PLCL1: variants seen among roughly 807,000 people sequenced by gnomAD.
PLCL1 encodes inactive phospholipase C-like protein 1.
Under a neutral mutation model 84.4 loss-of-function variants are expected in PLCL1, and 41 were observed. The ratio of observed to expected loss-of-function variants is 0.49; its 90% confidence interval spans 0.38 to 0.63. The LOEUF (loss-of-function observed/expected upper bound fraction) is 0.63, where lower values mean the gene tolerates loss of function less well. Ranked by LOEUF, PLCL1 falls within the 30% of genes least tolerant of loss-of-function variation. PLCL1 has a pLI of 0.00. For missense variants in PLCL1, 1,206 were observed against 1,367.8 expected (o/e 0.88, Z 1.87); for synonymous variants, 490 against 488.3 (o/e 1.00, Z -0.05).
intron 3 of PLCL1, among the ~76,000 whole-genome samples, chr2:198,093,152 A>G (rs1379786479): frequency 1.3e-5 from 2 of 152,208 alleles, no homozygotes; most frequent in East Asian, 1.9e-4. Flanking sequence ...GGAGGGATGA[A>G]CTGGTGGAGC....
chr2:198,145,345 C>A (rs893183154), intron 5 of PLCL1, among the ~76,000 whole-genome samples: 1 of 152,168 alleles, frequency 6.6e-6, no homozygotes, highest in Non-Finnish European at 1.5e-5. Context: ...TCTTTAGGCT[C>A]TAATCTCTAG....
At chr2:197,923,296 G>A (rs1249662943) in intron 1 of PLCL1, among the ~76,000 whole-genome samples, 8 of 145,146 alleles carry the variant, frequency 5.5e-5, no homozygotes, top group Middle Eastern at 3.6e-3. Context: ...TGGCTGCCGG[G>A]CGGAGACGCT....
At chr2:197,957,672 C>T (rs1356860329) in intron 1 of PLCL1, among the ~76,000 whole-genome samples, 2 of 152,034 alleles carry the variant, frequency 1.3e-5, no homozygotes, top group Non-Finnish European at 2.9e-5. Flanking sequence ...CTATTGGCCT[C>T]TGCTCAACCA....
intron 1 of PLCL1, among the ~76,000 whole-genome samples, chr2:197,827,715 C>G (rs1690962291): frequency 6.6e-6 from 1 of 152,136 alleles, no homozygotes; most frequent in African/African-American, 2.4e-5. Flanking sequence ...AGATTATGAT[C>G]TAGTTTAGAA....
At chr2:198,038,126 T>G (rs1691585957) in intron 1 of PLCL1, among the ~76,000 whole-genome samples, 1 of 152,170 alleles carries the variant, frequency 6.6e-6, no homozygotes, top group African/African-American at 2.4e-5. Flanking sequence ...TGACTAAGCA[T>G]AAACCTTGTA....
intron 1 of PLCL1, among the ~76,000 whole-genome samples, chr2:197,977,968 A>C (rs543467061): frequency 6.6e-6 from 1 of 152,212 alleles, no homozygotes; most frequent in East Asian, 1.9e-4. Flanking sequence ...TTAAGGTCTA[A>C]CTCCGGTGGC....
intron 5 of PLCL1, among the ~76,000 whole-genome samples, chr2:198,108,831 C>T (rs1326331124): frequency 6.6e-6 from 1 of 151,834 alleles, no homozygotes; most frequent in African/African-American, 2.4e-5. Flanking sequence ...TGCATTTTTC[C>T]ATACTTTTGC....
intron 1 of PLCL1, among the ~76,000 whole-genome samples, chr2:197,989,659 G>A (rs980580106): frequency 2.0e-5 from 3 of 151,890 alleles, no homozygotes; most frequent in Non-Finnish European, 2.9e-5. Flanking sequence ...AGCTGAGATC[G>A]CACCATTGCA....
chr2:198,106,854 T>A (rs1693486225), intron 5 of PLCL1, among the ~76,000 whole-genome samples: 1 of 151,810 alleles, frequency 6.6e-6, no homozygotes, highest in Non-Finnish European at 1.5e-5. Context: ...AAATTGAGGC[T>A]TGTGGGGGTT....
chr2:197,936,420 C>A (rs1050380886), intron 1 of PLCL1, among the ~76,000 whole-genome samples: 9 of 152,008 alleles, frequency 5.9e-5, no homozygotes, highest in African/African-American at 2.2e-4. Context: ...ATCTTTCCAG[C>A]ACTTATCTGT....
Position 198,084,689 on chromosome 2 carries a change from C to T in PLCL1, c.1172C>T (p.Pro391Leu). Residue 391 changes from proline to leucine, a missense_variant, in exon 2 of 6, where the codon CCT becomes CTT. Coordinates refer to ENST00000428675, the MANE Select transcript of PLCL1 (RefSeq NM_006226.4). The part of the protein sequence containing the change: ...LLSSECDIFD[P>L]EQKKVAQDMT... Reference sequence around the variant, plus strand: ...TCATCAGAATGTGACATTTTTGATCCTGAGCAAAAGAAGGTTGCCCAAGAT... The same window carrying T: ...TCATCAGAATGTGACATTTTTGATCTTGAGCAAAAGAAGGTTGCCCAAGAT... 3.1e-6 allele frequency: 5 copies of T among 1,613,864 alleles called. No individual in the cohort carries two copies. Among genetic ancestry groups the T allele is most frequent in the Non-Finnish European group, 4.2e-6 (5 of 1,179,828 alleles).
At chr2:197,849,827 A>G (rs1003357095) in intron 1 of PLCL1, among the ~76,000 whole-genome samples, 1 of 152,164 alleles carries the variant, frequency 6.6e-6, no homozygotes, top group Non-Finnish European at 1.5e-5. Flanking sequence ...CAATACAGAA[A>G]TGTCTAGCAA....
rs191056878 is a variant in PLCL1 at position 197,944,544 on chromosome 2, A to T, written c.240+139205A>T. Among the ~76,000 whole-genome samples the T allele has an allele frequency of 5.3e-5, 8 of 151,898 alleles. No homozygotes were observed. In the East Asian group the frequency reaches 1.5e-3, roughly 29 times the overall value. On this transcript the variant is annotated intron_variant, in intron 1 of 5. Coordinates refer to ENST00000428675, the MANE Select transcript of PLCL1 (RefSeq NM_006226.4). ...GCTCTCTGAAACAAAACAAAGCAAA[A>T]CTCTGATTTGTAGCATGTGCAGTTT... is the stretch of plus-strand genomic sequence containing the variant.
chr2:197,981,135 C>G (rs1324609075), intron 1 of PLCL1, among the ~76,000 whole-genome samples: 1 of 152,140 alleles, frequency 6.6e-6, no homozygotes, highest in Admixed American at 6.5e-5. Flanking sequence ...TACTCTACAC[C>G]TTAGTTCACC....
chr2:197,849,198 G>T (rs1318033306), intron 1 of PLCL1, among the ~76,000 whole-genome samples: 3 of 152,134 alleles, frequency 2.0e-5, no homozygotes, highest in African/African-American at 7.2e-5. Context: ...CAGTAGGTTT[G>T]CAGTACCCTT....
intron 1 of PLCL1, among the ~76,000 whole-genome samples, chr2:197,815,469 G>A (rs1161092133): frequency 6.6e-6 from 1 of 152,118 alleles, no homozygotes; most frequent in Non-Finnish European, 1.5e-5. Flanking sequence ...GGAGATTAAT[G>A]TTTTCATCCT....
rs146116467 is a variant in PLCL1 at position 197,877,642 on chromosome 2, C to A, written c.240+72303C>A. Among the ~76,000 whole-genome samples the A allele has an allele frequency of 3.4e-3, 515 of 152,098 alleles. 3 individuals are homozygous for A. The highest frequency in any genetic ancestry group is 5.4e-3 in the Non-Finnish European group (369 of 67,980). On this transcript the variant is annotated intron_variant, in intron 1 of 5. Transcript: ENST00000428675. The stretch of plus-strand genomic sequence containing the variant: ...AGCCTAATGATCTGCCCAGGCCTGA[C>A]TGGTTTAAAATGATGGTAATTCTAA...
chr2:197,918,731 G>C (rs1688643197), intron 1 of PLCL1, among the ~76,000 whole-genome samples: 1 of 152,090 alleles, frequency 6.6e-6, no homozygotes, highest in Non-Finnish European at 1.5e-5. Flanking sequence ...AGACCAGCCT[G>C]AGCAACATGG....
chr2:198,134,935 T>C (rs887327190), intron 5 of PLCL1, among the ~76,000 whole-genome samples: 2 of 152,254 alleles, frequency 1.3e-5, no homozygotes, highest in Non-Finnish European at 2.9e-5. Flanking sequence ...AATTACTTTT[T>C]GGACGGATCA....
Sources: gnomAD v4.1 joint callset for allele counts (sites outside exome capture counted in the v4.1 genomes callset) on GRCh38, gnomAD v4.1.1 for gene constraint, MANE v1.5 for transcripts, NCBI Gene and HGNC (gene_info 2026-07-23, HGNC 2026-07-21) for gene names.